ARMC2: variants seen among roughly 807,000 people sequenced by gnomAD.
ARMC2 encodes the protein armadillo repeat containing 2.
Under a neutral mutation model 90.3 loss-of-function variants are expected in ARMC2, and 67 were observed. The observed-to-expected ratio is 0.74, with a 90% CI of 0.61 to 0.91. The LOEUF is 0.91. Ranked by LOEUF, ARMC2 falls within the 40% of genes least tolerant of loss-of-function variation. The pLI is 0.00. For missense variants in ARMC2, 920 were observed against 1,030.9 expected (o/e 0.89, Z 1.47); for synonymous variants, 393 against 393.0 (o/e 1.00, Z 0.00).
At chr6:109,033,486 C>T in the ARMC2 span, among the ~76,000 whole-genome samples, 6 of 152,300 alleles carry the variant, frequency 3.9e-5, no homozygotes, top group East Asian at 5.8e-4. Flanking sequence ...AACCTGTTCA[C>T]TTCTGGACAG....
chr6:109,033,441 C>A, the ARMC2 span, among the ~76,000 whole-genome samples: 1 of 152,178 alleles, frequency 6.6e-6, no homozygotes, highest in Non-Finnish European at 1.5e-5. Flanking sequence ...GATGGAGATG[C>A]TTATCAATAG....
At chr6:108,968,592 G>T (rs1281168857) in intron 17 of ARMC2, among the ~76,000 whole-genome samples, 1 of 152,194 alleles carries the variant, frequency 6.6e-6, no homozygotes, top group Non-Finnish European at 1.5e-5. Context: ...TTCTGACCGG[G>T]TCGTGGCTGG....
At chr6:109,003,943 T>C in the ARMC2 span, among the ~76,000 whole-genome samples, 3 of 152,254 alleles carry the variant, frequency 2.0e-5, no homozygotes, top group African/African-American at 4.8e-5. Flanking sequence ...TTAAACAAAA[T>C]GTATTTTAGG....
At chr6:109,019,292 C>T in the ARMC2 span, among the ~76,000 whole-genome samples, 1 of 152,220 alleles carries the variant, frequency 6.6e-6, no homozygotes, top group African/African-American at 2.4e-5. Flanking sequence ...TGGCTCTCTA[C>T]ATCACTCACC....
chr6:108,914,574 T>C (rs1387182289), intron 10 of ARMC2, among the ~76,000 whole-genome samples: 1 of 152,182 alleles, frequency 6.6e-6, no homozygotes, highest in East Asian at 1.9e-4. Flanking sequence ...GAGCCCATGA[T>C]GGCATCCACC....
Position 108,953,060 on chromosome 6 carries a change from C to G in ARMC2, c.1624C>G (p.Leu542Val). The change falls in exon 13 of 18, where the codon CTT (leucine) becomes GTT (valine). Residue 542 changes from leucine (L) to valine (V), a missense_variant. Transcript: ENST00000392644. ...TTTAGTCGTCCGTGTTGTTTTTATT[C>G]TTGGCAACCTGACGGCAAAAAATAA... The part of the protein sequence containing the change: ...QDLVVRVVFI[L>V]GNLTAKNNQA... The G allele has an allele frequency of 6.2e-7, 1 of 1,612,138 alleles. No individual in the cohort carries two copies. Among genetic ancestry groups the G allele is most frequent in the Non-Finnish European group, 8.5e-7 (1 of 1,179,046 alleles).
chr6:108,888,674 G>A (rs533919760), intron 5 of ARMC2, among the ~76,000 whole-genome samples: 1 of 152,242 alleles, frequency 6.6e-6, no homozygotes, highest in Admixed American at 6.5e-5. Context: ...CAGTCTTACT[G>A]TGGGACTTCA....
At chr6:109,044,311 CAAAAAAAAAAAAAAAAAAA>C in the ARMC2 span, among the ~76,000 whole-genome samples, 66 of 28,458 alleles carry the variant, frequency 2.3e-3, no homozygotes, top group Admixed American at 0.011. Flanking sequence ...GAACTTGCCT[CAAAAAAAAAAAAAAAAAAA>C]AAAAAAAAAA....
chr6:108,964,419 A>G (rs1263654103), intron 16 of ARMC2, 107 bp downstream of exon 16: 3 of 1,316,392 alleles, frequency 2.3e-6, no homozygotes, highest in Non-Finnish European at 2.1e-6. Context: ...GTATTTCAAC[A>G]TTGGGAAGCC....
chr6:108,872,822 T>G (rs566713398), intron 4 of ARMC2, among the ~76,000 whole-genome samples: 1 of 152,320 alleles, frequency 6.6e-6, no homozygotes, highest in South Asian at 2.1e-4. Flanking sequence ...CAGGGAACAC[T>G]TTTGGCAAAA....
chr6:109,005,498 T>C, the ARMC2 span, among the ~76,000 whole-genome samples: 51 of 152,334 alleles, frequency 3.3e-4, no homozygotes, highest in South Asian at 0.01. Flanking sequence ...ATACAAATTA[T>C]ATTATTCTGG....
chr6:109,043,383 AAAC>A, the ARMC2 span, among the ~76,000 whole-genome samples: 7 of 152,268 alleles, frequency 4.6e-5, no homozygotes, highest in African/African-American at 1.2e-4. Flanking sequence ...TACAGATAAA[AAAC>A]AACAACAACA....
chr6:108,916,317 A>G (rs1247367159), intron 10 of ARMC2, among the ~76,000 whole-genome samples: 2 of 152,226 alleles, frequency 1.3e-5, no homozygotes, highest in African/African-American at 4.8e-5. Context: ...GTATCCAGAT[A>G]ATAGTATTCC....
At chr6:108,848,680 A>G (rs1037654176) in intron 1 of ARMC2, 134 bp downstream of exon 1, 1 of 152,678 alleles carries the variant, frequency 6.5e-6, no homozygotes, top group Non-Finnish European at 1.5e-5. Flanking sequence ...TAGTTTGTGT[A>G]CGGTTACCAT....
chr6:108,974,968 G>A (rs908385506), downstream of ARMC2, among the ~76,000 whole-genome samples: 3 of 151,634 alleles, frequency 2.0e-5, no homozygotes, highest in Non-Finnish European at 4.4e-5. Context: ...TCAGCTACTC[G>A]CGAGGCTGAG....
intron 12 of ARMC2, among the ~76,000 whole-genome samples, chr6:108,941,624 C>T (rs1776448867): frequency 6.6e-6 from 1 of 152,140 alleles, no homozygotes; most frequent in Admixed American, 6.5e-5. Context: ...AGGATCACCT[C>T]AAAAGTTATG....
At chr6:109,024,425 T>C in the ARMC2 span, among the ~76,000 whole-genome samples, 1 of 152,160 alleles carries the variant, frequency 6.6e-6, no homozygotes, top group Non-Finnish European at 1.5e-5. Context: ...CCATTTTCTA[T>C]AAGGGTAATG....
At chr6:108,980,551 C>G in the ARMC2 span, among the ~76,000 whole-genome samples, 4 of 150,790 alleles carry the variant, frequency 2.7e-5, no homozygotes, top group Non-Finnish European at 4.4e-5. Context: ...CTGCTGCTCT[C>G]TTCAGAGCCA....
chr6:109,000,220 A>G, the ARMC2 span: 2 of 256,406 alleles, frequency 7.8e-6, no homozygotes, highest in Non-Finnish European at 7.3e-6. Flanking sequence ...ATTGTAATGG[A>G]TGCGTGACAT....
Sources: gnomAD v4.1 joint callset for allele counts (sites outside exome capture counted in the v4.1 genomes callset) on GRCh38, gnomAD v4.1.1 for gene constraint, MANE v1.5 for transcripts, NCBI Gene and HGNC (gene_info 2026-07-23, HGNC 2026-07-21) for gene names.